The following PARN variants were observed in gnomAD, a reference collection of about 807,000 sequenced individuals.
The protein encoded by PARN is poly(A)-specific ribonuclease.
Under a neutral mutation model 102.8 loss-of-function variants are expected in PARN, and 71 were observed. The observed-to-expected ratio is 0.69, with a 90% CI of 0.57 to 0.84. The LOEUF (loss-of-function observed/expected upper bound fraction) is 0.84. Ranked by LOEUF, PARN falls within the 40% of genes least tolerant of loss-of-function variation. PARN has a pLI of 0.00. For synonymous variants in PARN, 261 were observed against 252.9 expected, an observed-to-expected ratio of 1.03 and a Z score of -0.30; for missense variants, 782 against 760.9, an observed-to-expected ratio of 1.03 and a Z score of -0.33.
chr16:14,548,552 C>T (rs1367776326), intron 21 of PARN, among the ~76,000 whole-genome samples: 1 of 152,130 alleles, frequency 6.6e-6, no homozygotes, highest in African/African-American at 2.4e-5. Context: ...AGACATGGTC[C>T]CTACTCTCAA....
At chr16:14,445,670 C>T (rs1285701373) in intron 23 of PARN, among the ~76,000 whole-genome samples, 1 of 152,158 alleles carries the variant, frequency 6.6e-6, no homozygotes, top group African/African-American at 2.4e-5. Context: ...TGAGGCAGTC[C>T]CCCTACTTCA....
chr16:14,584,513 C>T, intron 15 of PARN, 91 bp from the exon 16 acceptor site: 1 of 1,006,742 alleles, frequency 9.9e-7, no homozygotes. Flanking sequence ...AAAAAGACAG[C>T]ATCTAGTACT....
intron 22 of PARN, among the ~76,000 whole-genome samples, chr16:14,468,138 G>T (rs1247151156): frequency 6.6e-6 from 1 of 152,214 alleles, no homozygotes; most frequent in Non-Finnish European, 1.5e-5. Context: ...GATATCTTAG[G>T]AGGGAGCAGG....
chr16:14,565,677 C>T (rs1968386331), intron 18 of PARN, among the ~76,000 whole-genome samples: 1 of 152,256 alleles, frequency 6.6e-6, no homozygotes, highest in Non-Finnish European at 1.5e-5. Context: ...AAGACACTAA[C>T]ACTGTCTCTT....
intron 21 of PARN, among the ~76,000 whole-genome samples, chr16:14,505,004 C>T (rs534540029): frequency 7.2e-5 from 11 of 152,292 alleles, no homozygotes; most frequent in African/African-American, 2.6e-4. Context: ...GCAGGCAGTA[C>T]TGAGATGTGG....
At chr16:14,605,058 G>A (rs1971100557) in intron 10 of PARN, among the ~76,000 whole-genome samples, 1 of 152,074 alleles carries the variant, frequency 6.6e-6, no homozygotes, top group African/African-American at 2.4e-5. Flanking sequence ...TCTCACCTCA[G>A]CCTCCTGAGT....
chr16:14,527,492 C>T (rs1455235048), intron 21 of PARN, among the ~76,000 whole-genome samples: 3 of 152,150 alleles, frequency 2.0e-5, no homozygotes, highest in African/African-American at 7.2e-5. Context: ...TTTTTGACGT[C>T]ATGAAAGCTG....
At chr16:14,492,711 A>C (rs142182258) in intron 21 of PARN, among the ~76,000 whole-genome samples, 1 of 152,206 alleles carries the variant, frequency 6.6e-6, no homozygotes, top group Non-Finnish European at 1.5e-5. Flanking sequence ...GCAGCAAAGA[A>C]AACAGTCTTT....
At chr16:14,547,254 T>C (rs1198197410) in intron 21 of PARN, among the ~76,000 whole-genome samples, 2 of 152,110 alleles carry the variant, frequency 1.3e-5, no homozygotes, top group Admixed American at 6.5e-5. Flanking sequence ...ATGCACAGCT[T>C]GTATGGGTTA....
chr16:14,537,245 C>G (rs1223095852), intron 21 of PARN, among the ~76,000 whole-genome samples: 2 of 152,146 alleles, frequency 1.3e-5, no homozygotes, highest in Admixed American at 6.5e-5. Flanking sequence ...AAGATACCAT[C>G]TCAACCCAGT....
intron 13 of PARN, among the ~76,000 whole-genome samples, chr16:14,589,758 T>A (rs571149832): frequency 6.6e-6 from 1 of 150,420 alleles, no homozygotes; most frequent in Non-Finnish European, 1.5e-5. Context: ...TTCTAGCTAC[T>A]CAGGAGGCTG....
In PARN at chr16:14,435,896, T is replaced by TCACACACACACACACACA. The variant is rs71373026; in HGVS notation, c.*803_*820dup. The TCACACACACACACACACA allele has an allele frequency of 1.1e-4, 15 of 131,162 alleles. No homozygotes were observed. The highest frequency in any genetic ancestry group is 4.1e-4 in the African/African-American group (14 of 33,920). The allele number at this position is 131,162 out of a possible 1,614,324, so 8.1% of individuals were successfully genotyped here. A position where few individuals can be genotyped will look rare whatever the true frequency, so the allele number is the denominator to read the frequency against. On this transcript the variant is annotated 3_prime_UTR_variant, in exon 24 of 24. Transcript: ENST00000437198. ...GGACATGTTGTAGATTTGCACGATTTCACACACACACACACACACACACAC... is the reference window on the plus strand; with the variant it reads ...GGACATGTTGTAGATTTGCACGATTTCACACACACACACACACACACACACACACACACACACACACAC...
At chr16:14,458,964 C>T (rs1961823866) in intron 22 of PARN, among the ~76,000 whole-genome samples, 1 of 152,142 alleles carries the variant, frequency 6.6e-6, no homozygotes, top group Non-Finnish European at 1.5e-5. Flanking sequence ...CTCCCTTCTG[C>T]CAATCTGTAC....
At chr16:14,551,442 G>A (rs1387971957) in intron 21 of PARN, among the ~76,000 whole-genome samples, 4 of 151,834 alleles carry the variant, frequency 2.6e-5, no homozygotes, top group Admixed American at 1.3e-4. Context: ...CATGTTGCGC[G>A]CCTGTAATCC....
intron 15 of PARN, 72 bp downstream of exon 15, chr16:14,584,677 G>A: frequency 9.5e-7 from 1 of 1,057,512 alleles, no homozygotes; most frequent in South Asian, 1.4e-5. Context: ...TTTGCCAGAA[G>A]GCTATATTGT....
At chr16:14,518,753 T>C (rs367880687) in intron 21 of PARN, among the ~76,000 whole-genome samples, 8 of 152,232 alleles carry the variant, frequency 5.3e-5, no homozygotes, top group East Asian at 3.8e-4. Context: ...TTCAATATAG[T>C]ACACCTTGTC....
chr16:14,469,555 T>C (rs555913399), intron 22 of PARN, among the ~76,000 whole-genome samples: 39 of 152,342 alleles, frequency 2.6e-4, no homozygotes, highest in African/African-American at 8.9e-4. Context: ...TATTTAAACA[T>C]GGAACCACCT....
chr16:14,449,619 T>A (rs1897116575), intron 22 of PARN, among the ~76,000 whole-genome samples: 2 of 152,068 alleles, frequency 1.3e-5, no homozygotes, highest in South Asian at 4.1e-4. Context: ...AGGGTTAATG[T>A]CTCTAATAAA....
chr16:14,456,357 A>T (rs758723426), intron 22 of PARN, among the ~76,000 whole-genome samples: 7 of 151,712 alleles, frequency 4.6e-5, no homozygotes, highest in Non-Finnish European at 8.8e-5. Flanking sequence ...TTTTGTAAGG[A>T]TGGGGGTGTC....
Sources: gnomAD v4.1 joint callset for allele counts (sites outside exome capture counted in the v4.1 genomes callset) on GRCh38, gnomAD v4.1.1 for gene constraint, MANE v1.5 for transcripts, NCBI Gene and HGNC (gene_info 2026-07-23, HGNC 2026-07-21) for gene names.